Variants in ZNF844 observed in about 807,000 individuals in gnomAD.
ZNF844 encodes zinc finger protein 844.
Under a neutral mutation model 11.4 loss-of-function variants are expected in ZNF844, and 11 were observed. The ratio of observed to expected loss-of-function variants is 0.97; its 90% CI spans 0.61 to 1.60. The LOEUF (loss-of-function observed/expected upper bound fraction) is 1.60, where lower values mean the gene tolerates loss of function less well. ZNF844 is among the 40% of genes most tolerant of loss of function. The pLI is 0.00. For synonymous variants in ZNF844, 248 were observed against 260.3 expected (o/e 0.95, Z 0.46); for missense variants, 790 against 796.8 (o/e 0.99, Z 0.10).
intron 1 of ZNF844, among the ~76,000 whole-genome samples, chr19:12,071,003 A>G (rs1469476941): frequency 6.6e-6 from 1 of 152,168 alleles, no homozygotes; most frequent in Non-Finnish European, 1.5e-5. Context: ...TGGGCTCTGC[A>G]GGACAAACAC....
chr19:12,065,942 G>T (rs557153641), intron 1 of ZNF844, among the ~76,000 whole-genome samples: 45 of 151,836 alleles, frequency 3.0e-4, no homozygotes, highest in Non-Finnish European at 5.9e-4. Flanking sequence ...GCTAAAAATT[G>T]TTTTTTAAAC....
intron 1 of ZNF844, among the ~76,000 whole-genome samples, chr19:12,073,098 G>T (rs1022523918): frequency 6.6e-6 from 1 of 151,650 alleles, no homozygotes; most frequent in Non-Finnish European, 1.5e-5. Context: ...TTTTATCCCT[G>T]AACTTTGTCT....
At chr19:12,067,403 C>T (rs1406085692) in intron 1 of ZNF844, among the ~76,000 whole-genome samples, 1 of 148,036 alleles carries the variant, frequency 6.8e-6, no homozygotes, top group Non-Finnish European at 1.5e-5. Flanking sequence ...CTGAGAAGTT[C>T]GAGACCAGGC....
chr19:12,069,180 T>C (rs1157311287), intron 1 of ZNF844, among the ~76,000 whole-genome samples: 1 of 99,448 alleles, frequency 1.0e-5, no homozygotes, highest in East Asian at 2.4e-4. Context: ...CTTTTATTCC[T>C]TTTTTTTTTT....
At position 12,076,920 on chromosome 19, in the gene ZNF844, C is replaced by G. The variant is rs780746707; in HGVS notation, c.1800C>G (p.Ser600=). The G allele has an allele frequency of 1.3e-6, 2 of 1,593,748 alleles. No homozygotes were observed. The highest frequency in any genetic ancestry group is 1.7e-6 in the Non-Finnish European group (2 of 1,170,122). Residue 600 remains serine, a synonymous_variant, in exon 4 of 4, where the codon TCC becomes TCG. Coordinates refer to ENST00000439326, the MANE Select transcript of ZNF844 (RefSeq NM_001136501.3). ...CAAAGCATTCATATCTGCCAAGATCCTTCGAGTACATGCAAGAACACACCC... is the reference window on the plus strand; with the variant it reads ...CAAAGCATTCATATCTGCCAAGATCGTTCGAGTACATGCAAGAACACACCC... The part of the protein sequence containing the change: ...SVTKHSYLPR[S]FEYMQEHTLE...
chr19:12,077,219 T>C lies in ZNF844; in HGVS notation c.*98T>C. ...ACACTGGAGAGAAACCCTATGAGTG[T>C]AAGCAGTGTGGTAAAGCCTTCATTT... On this transcript the variant is annotated 3_prime_UTR_variant, in exon 4 of 4. Transcript: ENST00000439326. 6.3e-7 allele frequency: 1 copy of C among 1,589,090 alleles called. No homozygotes were observed. Among genetic ancestry groups the C allele is most frequent in the Middle Eastern group, 1.7e-4 (1 of 5,978 alleles).
chr19:12,065,198 G>A (rs1975674433), intron 1 of ZNF844, among the ~76,000 whole-genome samples: 1 of 152,088 alleles, frequency 6.6e-6, no homozygotes, highest in Admixed American at 6.5e-5. Context: ...AGGGTCATGG[G>A]GGCAATCCCG....
At chr19:12,068,436 A>C (rs1298520734) in intron 1 of ZNF844, among the ~76,000 whole-genome samples, 1 of 152,054 alleles carries the variant, frequency 6.6e-6, no homozygotes, top group Non-Finnish European at 1.5e-5. Flanking sequence ...GACCAGCCTG[A>C]CCAACATGGT....
In ZNF844 at chr19:12,078,992, GGTGA is replaced by G. The variant is rs1975862810; in HGVS notation, c.*1872_*1875del. On this transcript the variant is annotated 3_prime_UTR_variant, in exon 4 of 4. Transcript: ENST00000439326. ...AGCCTCCCAAGTAGCTGGGATTACA[GGTGA>G]CCGCCACCACGCCCAGCTAATTTTT... 6.6e-6 allele frequency: 1 copy of G among 152,244 alleles called. No individual in the cohort carries two copies. Among genetic ancestry groups the G allele is most frequent in the Non-Finnish European group, 1.5e-5 (1 of 68,132 alleles). 9.4% of individuals were successfully genotyped at this position (152,244 alleles called of 1,614,324 possible).
At chr19:12,065,533 A>C (rs1369343750) in intron 1 of ZNF844, among the ~76,000 whole-genome samples, 3 of 152,106 alleles carry the variant, frequency 2.0e-5, no homozygotes, top group African/African-American at 4.8e-5. Context: ...GTTTGACACG[A>C]GATGGACCAC....
In ZNF844 at chr19:12,078,753, A is replaced by T. The variant is rs1228411431; in HGVS notation, c.*1632A>T. 1 of 152,418 alleles carries T rather than the reference A, an allele frequency of 6.6e-6. No individual in the cohort carries two copies. The highest frequency in any genetic ancestry group is 1.5e-5 in the Non-Finnish European group (1 of 68,056). 9.4% of individuals were successfully genotyped at this position (152,418 alleles called of 1,614,324 possible). ...TCACAAAAGGACTTACACTAGAGGA[A>T]AACCCTATGAATGTAAGCTGCGTGG... On this transcript the variant is annotated 3_prime_UTR_variant, in exon 4 of 4. Transcript: ENST00000439326.
At chr19:12,066,871 C>G (rs767711646) in intron 1 of ZNF844, among the ~76,000 whole-genome samples, 2 of 152,074 alleles carry the variant, frequency 1.3e-5, no homozygotes, top group Non-Finnish European at 2.9e-5. Flanking sequence ...TTAGCTCAGC[C>G]TAAGCCTAGG....
chr19:12,066,281 G>A (rs1975686304), intron 1 of ZNF844, among the ~76,000 whole-genome samples: 1 of 151,878 alleles, frequency 6.6e-6, no homozygotes, highest in South Asian at 2.1e-4. Context: ...GTCCTCCTGA[G>A]TGCTGAGTTG....
intron 1 of ZNF844, among the ~76,000 whole-genome samples, chr19:12,073,216 A>G (rs1037600596): frequency 2.6e-5 from 4 of 151,704 alleles, no homozygotes; most frequent in Non-Finnish European, 5.9e-5. Context: ...CTGGAGTGCA[A>G]TGGTGCGATC....
chr19:12,067,958 A>G (rs1176750969), intron 1 of ZNF844, among the ~76,000 whole-genome samples: 4 of 117,620 alleles, frequency 3.4e-5, no homozygotes, highest in African/African-American at 1.3e-4. Flanking sequence ...GAAAGAAGGA[A>G]AGAAGGAAGG....
In ZNF844 at chr19:12,079,362, A is replaced by G. The variant is rs185094333; in HGVS notation, c.*2241A>G. On this transcript the variant is annotated 3_prime_UTR_variant, in exon 4 of 4. Coordinates refer to ENST00000439326, the MANE Select transcript of ZNF844 (RefSeq NM_001136501.3). ...ACTATTAATATATGAGAGAAATCCT[A>G]TTATAAGAAATTGATTGCTGTGCAC... 2 of 152,252 alleles carry G rather than the reference A, an allele frequency of 1.3e-5. No homozygotes were observed. Among genetic ancestry groups the G allele is most frequent in the African/African-American group, 2.4e-5 (1 of 41,552 alleles). 9.4% of individuals were successfully genotyped at this position (152,252 alleles called of 1,614,324 possible).
In ZNF844 at chr19:12,074,133, A is replaced by G. The variant is rs773767752; in HGVS notation, c.106A>G (p.Thr36Ala). ...KNLYREVMQETLRNLASIGEK... is the reference protein window; with the variant it reads ...KNLYREVMQEALRNLASIGEK... ...TCTCTACAGAGAAGTGATGCAGGAA[A>G]CCTTGAGGAATCTGGCCTCCATAGG... The change falls in exon 2 of 4, where the codon ACC becomes GCC. Residue 36 changes from threonine to alanine, a missense_variant. Transcript: ENST00000439326. The G allele has an allele frequency of 6.2e-7, 1 of 1,613,738 alleles. No individual in the cohort carries two copies. Among genetic ancestry groups the G allele is most frequent in the Non-Finnish European group, 8.5e-7 (1 of 1,179,822 alleles).
Position 12,077,770 on chromosome 19 carries a change from A to T in ZNF844, c.*649A>T, listed in dbSNP as rs1054477876. 1.4e-5 allele frequency: 5 copies of T among 361,008 alleles called. No homozygotes were observed. Among genetic ancestry groups the T allele is most frequent in the Non-Finnish European group, 2.7e-5 (5 of 182,948 alleles). The allele number at this position is 361,008 out of a possible 1,614,324, so 22.4% of individuals were successfully genotyped here. A position where few individuals can be genotyped will look rare whatever the true frequency, so the allele number is the denominator to read the frequency against. On this transcript the variant is annotated 3_prime_UTR_variant, in exon 4 of 4. Transcript: ENST00000439326. ...AGATTTGCTAAGAACCTTCAAATACAGACAATGAATGTAAACAATTAAATG... is the reference window on the plus strand; with the variant it reads ...AGATTTGCTAAGAACCTTCAAATACTGACAATGAATGTAAACAATTAAATG...
rs1975894560 is a variant in ZNF844, at chr19:12,081,344, A to T, written c.*4223A>T. The T allele has an allele frequency of 6.6e-6, 1 of 152,160 alleles. No individual in the cohort carries two copies. The highest frequency in any genetic ancestry group is 2.4e-5 in the African/African-American group (1 of 41,446). The allele number at this position is 152,160 out of a possible 1,614,324, so 9.4% of individuals were successfully genotyped here. On this transcript the variant is annotated 3_prime_UTR_variant, in exon 4 of 4. Transcript: ENST00000439326. ...AATAAGCACCTTCCTCCTCCCAGGA[A>T]GTTTTGAGTTTCCTGTGTTTCATTT...
Sources: gnomAD v4.1 joint callset for allele counts (sites outside exome capture counted in the v4.1 genomes callset) on GRCh38, gnomAD v4.1.1 for gene constraint, MANE v1.5 for transcripts, NCBI Gene and HGNC (gene_info 2026-07-23, HGNC 2026-07-21) for gene names.